The following ARPC2 variants were observed in gnomAD, a reference collection of about 807,000 sequenced individuals.
ARPC2 encodes the protein actin related protein 2/3 complex subunit 2, also known as actin-related protein 2/3 complex subunit 2.
In ARPC2, 4 loss-of-function variants were observed where a neutral mutation model predicts 38.6. That is an observed-to-expected ratio of 0.10 (90% CI 0.05 to 0.24). The LOEUF is 0.24. ARPC2 is among the 10% of genes least tolerant of loss of function. The pLI, the probability that ARPC2 is intolerant of heterozygous loss-of-function variation, is 1.00. For missense variants in ARPC2, 229 were observed against 387.3 expected (o/e 0.59, Z 3.43); for synonymous variants, 125 against 140.8 (o/e 0.89, Z 0.79).
intron 4 of ARPC2, among the ~76,000 whole-genome samples, chr2:218,231,937 T>C (rs1689643287): frequency 6.7e-6 from 1 of 150,240 alleles, no homozygotes; most frequent in Non-Finnish European, 1.5e-5. Flanking sequence ...GACCCTGTCT[T>C]TGTATATAAA....
intron 4 of ARPC2, among the ~76,000 whole-genome samples, chr2:218,232,772 T>C (rs1689669704): frequency 6.6e-6 from 1 of 151,918 alleles, no homozygotes; most frequent in African/African-American, 2.4e-5. Context: ...GACATGGGGT[T>C]TCACTGTGTT....
chr2:218,220,026 G>A (rs1013682511), intron 2 of ARPC2, among the ~76,000 whole-genome samples: 2 of 152,174 alleles, frequency 1.3e-5, no homozygotes, highest in South Asian at 4.1e-4. Flanking sequence ...TCATAAACAT[G>A]TATGGGATTC....
intron 2 of ARPC2, among the ~76,000 whole-genome samples, chr2:218,225,585 C>A (rs1689477409): frequency 6.6e-6 from 1 of 152,150 alleles, no homozygotes; most frequent in South Asian, 2.1e-4. Context: ...AAGGCATTGA[C>A]CAAAAGATGG....
intron 5 of ARPC2, chr2:218,234,719 A>G: frequency 2.1e-6 from 1 of 473,188 alleles, no homozygotes; most frequent in Non-Finnish European, 4.0e-6. Context: ...GAAAAGAATG[A>G]GCAAACATTG....
Position 218,253,916 on chromosome 2 carries a change from T to C in ARPC2, c.*1T>C, listed in dbSNP as rs969608629. 1 of 1,614,026 alleles carries C rather than the reference T, an allele frequency of 6.2e-7. No individual in the cohort carries two copies. The highest frequency in any genetic ancestry group is 8.5e-7 in the Non-Finnish European group (1 of 1,179,994). ...GGGGAAGACGTTTTCATCCCGCTAA[T>C]CTTGGGAATAAGAGGAGGAAGCGGC... On this transcript the variant is annotated 3_prime_UTR_variant, in exon 11 of 11. Transcript: ENST00000315717.
chr2:218,239,509 A>G (rs770396486), intron 7 of ARPC2, 25 bp downstream of exon 7: 2 of 1,582,832 alleles, frequency 1.3e-6, no homozygotes, highest in Non-Finnish European at 8.7e-7. Context: ...TCTTGGGGGA[A>G]ACCCATGCAT....
In ARPC2 at chr2:218,217,459, G is replaced by A; in HGVS notation, c.-8-4G>A. On this transcript the variant is annotated splice_polypyrimidine_tract_variant and splice_region_variant and intron_variant, in intron 1 of 10. Transcript: ENST00000315717. ...GCCCTTGTTTCTCCTTCCCCTGGGG[G>A]CAGCCGCCGCCATGATCCTGCTGGA... 6.2e-7 allele frequency: 1 copy of A among 1,613,674 alleles called. No individual in the cohort carries two copies. Among genetic ancestry groups the A allele is most frequent in the Non-Finnish European group, 8.5e-7 (1 of 1,179,740 alleles).
rs765558338 is a variant in ARPC2, at chr2:218,250,025, A to G, written c.878+104A>G. The G allele has an allele frequency of 7.4e-5, 72 of 976,170 alleles. No individual in the cohort carries two copies. In the African/African-American group the frequency reaches 7.9e-4, roughly 11 times the overall value. The allele number at this position is 976,170 out of a possible 1,614,324, so 60.5% of individuals were successfully genotyped here. ...TCCTCCATGTATCTGGGCACTGGCT[A>G]CATATGAGGTCAGCAGGGCTAAGTA... On this transcript the variant is annotated intron_variant, in intron 10 of 10. Transcript: ENST00000315717.
At chr2:218,227,203 G>A in intron 3 of ARPC2, 1 of 325,692 alleles carries the variant, frequency 3.1e-6, no homozygotes, top group Non-Finnish European at 6.3e-6. Context: ...CCTAATTCTA[G>A]TTTCAGGAAC....
intron 7 of ARPC2, among the ~76,000 whole-genome samples, chr2:218,244,308 T>C (rs1051386236): frequency 6.6e-6 from 1 of 152,220 alleles, no homozygotes; most frequent in African/African-American, 2.4e-5. Context: ...TCCTCAGCCA[T>C]CATCTTTCTT....
intron 10 of ARPC2, among the ~76,000 whole-genome samples, chr2:218,251,319 C>T (rs1294143488): frequency 2.6e-5 from 4 of 152,218 alleles, no homozygotes; most frequent in African/African-American, 4.8e-5. Flanking sequence ...TCAAGCAATT[C>T]TCTTGCCTCA....
At chr2:218,237,993 C>T (rs1295334711) in intron 5 of ARPC2, among the ~76,000 whole-genome samples, 1 of 152,208 alleles carries the variant, frequency 6.6e-6, no homozygotes, top group Non-Finnish European at 1.5e-5. Context: ...TTTGAATCTC[C>T]TTTTCCCTCT....
At chr2:218,238,499 ACAGATAATGAG>A (rs1454871309) in intron 5 of ARPC2, among the ~76,000 whole-genome samples, 154 bp from the exon 6 acceptor site, 27 of 152,234 alleles carry the variant, frequency 1.8e-4, no homozygotes, top group African/African-American at 5.8e-4. Flanking sequence ...GGTTAAAAGT[ACAGATAATGAG>A]ACAAAATGTC....
chr2:218,232,719 G>A (rs763211130), intron 4 of ARPC2, among the ~76,000 whole-genome samples: 1 of 151,776 alleles, frequency 6.6e-6, no homozygotes, highest in Non-Finnish European at 1.5e-5. Flanking sequence ...ACAGGCGCCT[G>A]CCACCATGCC....
intron 2 of ARPC2, among the ~76,000 whole-genome samples, chr2:218,223,266 A>G (rs1241371637): frequency 1.3e-5 from 2 of 152,192 alleles, no homozygotes; most frequent in Non-Finnish European, 2.9e-5. Context: ...GACATGAATC[A>G]TCTTTTTGTC....
In ARPC2 at chr2:218,226,249, A is replaced by G. The variant is rs186856859; in HGVS notation, c.109+295A>G. ...AGGAGTTGCTGTGAGCTGAGATCAC[A>G]CCACTGCACTCCAGCCTGGGCGATA... On this transcript the variant is annotated intron_variant, in intron 3 of 10. Transcript: ENST00000315717. Among the ~76,000 whole-genome samples the G allele has an allele frequency of 3.5e-3, 531 of 151,780 alleles. 3 individuals are homozygous for G. Among genetic ancestry groups the G allele is most frequent in the African/African-American group, 0.012 (512 of 41,404 alleles).
In ARPC2 at chr2:218,253,973, G is replaced by A; in HGVS notation, c.*58G>A. On this transcript the variant is annotated 3_prime_UTR_variant, in exon 11 of 11. Transcript: ENST00000315717. The stretch of plus-strand genomic sequence containing the variant: ...CTGAAGGCTGGAACACTTGCTACTG[G>A]ATAATCGTAGCTTTTAATGTTGCGC... The A allele has an allele frequency of 1.2e-6, 2 of 1,601,688 alleles. No homozygotes were observed. The highest frequency in any genetic ancestry group is 1.7e-6 in the Non-Finnish European group (2 of 1,169,342).
At chr2:218,238,045 G>GT in intron 5 of ARPC2, among the ~76,000 whole-genome samples, 2 of 152,278 alleles carry the variant, frequency 1.3e-5, no homozygotes, top group African/African-American at 4.8e-5. Context: ...TTCAAAGGTG[G>GT]TTATGGAGAT....
chr2:218,251,141 A>G (rs1690179479), intron 10 of ARPC2, among the ~76,000 whole-genome samples: 1 of 152,084 alleles, frequency 6.6e-6, no homozygotes, highest in African/African-American at 2.4e-5. Flanking sequence ...TTGAGGTCAT[A>G]AGCCTCCCTC....
Sources: allele counts gnomAD v4.1 joint callset (sites outside exome capture counted in the v4.1 genomes callset), GRCh38; gene constraint gnomAD v4.1.1; transcripts MANE v1.5; gene names NCBI Gene and HGNC (gene_info 2026-07-23, HGNC 2026-07-21).